UBAC2: variants seen among roughly 807,000 people sequenced by gnomAD.
UBAC2 encodes UBA domain containing 2.
A neutral mutation model predicts 44.0 loss-of-function variants in UBAC2; 26 were observed. That is an observed-to-expected ratio of 0.59 (90% CI 0.43 to 0.82). The LOEUF is 0.82. Ranked by LOEUF, UBAC2 falls within the 40% of genes least tolerant of loss-of-function variation. The probability of loss-of-function intolerance (pLI) is 0.00; values close to 1 mark genes in which losing one functional copy is unlikely to be tolerated. For synonymous variants in UBAC2, 155 were observed against 154.3 expected (o/e 1.00, Z -0.04); for missense variants, 329 against 419.4 (o/e 0.78, Z 1.88).
At chr13:99,236,971 T>G (rs1421107847) in intron 1 of UBAC2, among the ~76,000 whole-genome samples, 3 of 95,638 alleles carry the variant, frequency 3.1e-5, no homozygotes, top group Non-Finnish European at 9.2e-5. Context: ...AGTATGGAGG[T>G]TCTTAAAAAA....
At chr13:99,237,253 CGT>C (rs1491322628) in intron 1 of UBAC2, among the ~76,000 whole-genome samples, 15 of 71,528 alleles carry the variant, frequency 2.1e-4, no homozygotes, top group East Asian at 1.9e-3. Context: ...AAATTTTATG[CGT>C]ATATATATAT....
intron 5 of UBAC2, among the ~76,000 whole-genome samples, chr13:99,317,596 G>T (rs2044509942): frequency 6.6e-6 from 1 of 152,164 alleles, no homozygotes; most frequent in South Asian, 2.1e-4. Flanking sequence ...ACAATGTTAA[G>T]AAATTAAAAT....
At chr13:99,335,166 T>C (rs565101561) in intron 6 of UBAC2, among the ~76,000 whole-genome samples, 10 of 152,348 alleles carry the variant, frequency 6.6e-5, no homozygotes, top group African/African-American at 2.4e-4. Context: ...CACAGTTGAA[T>C]ACTTTGAGAC....
chr13:99,325,350 G>A (rs189276542), intron 6 of UBAC2, among the ~76,000 whole-genome samples: 152 of 152,128 alleles, frequency 1.0e-3, no homozygotes, highest in African/African-American at 3.5e-3. Context: ...TGATCCACCC[G>A]CCTCGGCCTC....
At chr13:99,310,439 C>G (rs2044396780) in intron 4 of UBAC2, among the ~76,000 whole-genome samples, 1 of 152,218 alleles carries the variant, frequency 6.6e-6, no homozygotes, top group Non-Finnish European at 1.5e-5. Context: ...GGTAGTTCTT[C>G]ACAGTATGAA....
chr13:99,258,785 G>A (rs1415112439), intron 4 of UBAC2, among the ~76,000 whole-genome samples: 4 of 152,128 alleles, frequency 2.6e-5, no homozygotes, highest in South Asian at 2.1e-4. Context: ...AAGATCCCAA[G>A]TGCTTAATAG....
At chr13:99,335,634 A>ATT (rs2044777680) in intron 6 of UBAC2, among the ~76,000 whole-genome samples, 15 of 152,224 alleles carry the variant, frequency 9.9e-5, no homozygotes, top group Admixed American at 9.2e-4. Flanking sequence ...TTCCACTTTA[A>ATT]ACACATCAGT....
chr13:99,364,301 TG>T (rs2045303197), intron 7 of UBAC2, among the ~76,000 whole-genome samples: 1 of 150,926 alleles, frequency 6.6e-6, no homozygotes, highest in Admixed American at 6.6e-5. Context: ...ACTGTTAATG[TG>T]TGGATTATGT....
At chr13:99,316,232 G>A (rs1594119917) in intron 5 of UBAC2, among the ~76,000 whole-genome samples, 1 of 152,060 alleles carries the variant, frequency 6.6e-6, no homozygotes, top group African/African-American at 2.4e-5. Context: ...ATGGCATGCA[G>A]GGTTCTTCTT....
At chr13:99,354,731 C>T (rs926052954) in intron 7 of UBAC2, among the ~76,000 whole-genome samples, 10 of 152,080 alleles carry the variant, frequency 6.6e-5, no homozygotes, top group African/African-American at 1.7e-4. Context: ...ACAGGATGCC[C>T]GAGGGTTTTT....
intron 7 of UBAC2, among the ~76,000 whole-genome samples, chr13:99,364,660 TTA>T (rs1396027303): frequency 6.6e-6 from 1 of 152,144 alleles, no homozygotes; most frequent in Non-Finnish European, 1.5e-5. Flanking sequence ...TTCAATTACA[TTA>T]AAGTATGATA....
intron 4 of UBAC2, among the ~76,000 whole-genome samples, chr13:99,281,374 A>G (rs530890552): frequency 6.6e-6 from 1 of 152,210 alleles, no homozygotes; most frequent in South Asian, 2.1e-4. Context: ...TATTCACAAG[A>G]TATCTCCTTT....
chr13:99,217,308 G>A (rs1043905460), intron 1 of UBAC2, among the ~76,000 whole-genome samples: 1 of 152,108 alleles, frequency 6.6e-6, no homozygotes, highest in Non-Finnish European at 1.5e-5. Context: ...TTTTCTGCTC[G>A]GATCTCTTAC....
chr13:99,294,245 C>G (rs530422259), intron 4 of UBAC2, among the ~76,000 whole-genome samples: 1 of 152,100 alleles, frequency 6.6e-6, no homozygotes. Flanking sequence ...GAGAAATGAT[C>G]CCCTAGTGAT....
At chr13:99,271,518 C>A (rs2043815956) in intron 4 of UBAC2, among the ~76,000 whole-genome samples, 1 of 152,068 alleles carries the variant, frequency 6.6e-6, no homozygotes, top group Non-Finnish European at 1.5e-5. Flanking sequence ...CTAATTTTGG[C>A]CTTTAATCAG....
At chr13:99,204,790 C>A (rs1369471688) in intron 1 of UBAC2, among the ~76,000 whole-genome samples, 1 of 151,336 alleles carries the variant, frequency 6.6e-6, no homozygotes, top group Middle Eastern at 3.4e-3. Flanking sequence ...GTGAGTGGGA[C>A]ATAAATGGAG....
chr13:99,298,514 C>G (rs1222428167), intron 4 of UBAC2, among the ~76,000 whole-genome samples: 1 of 151,886 alleles, frequency 6.6e-6, no homozygotes, highest in African/African-American at 2.4e-5. Context: ...AGATATAAAG[C>G]CTTGAATGCA....
intron 7 of UBAC2, among the ~76,000 whole-genome samples, chr13:99,363,973 T>TA (rs1263368617): frequency 6.6e-6 from 1 of 152,186 alleles, no homozygotes; most frequent in Non-Finnish European, 1.5e-5. Context: ...TTTTTGTACT[T>TA]ACATTCTCTA....
chr13:99,247,289 A>G (rs1372844408), intron 4 of UBAC2, among the ~76,000 whole-genome samples: 1 of 150,670 alleles, frequency 6.6e-6, no homozygotes, highest in Non-Finnish European at 1.5e-5. Context: ...ATCTCGGCTC[A>G]CTGCAAGCTC....
Sources: allele counts gnomAD v4.1 joint callset (sites outside exome capture counted in the v4.1 genomes callset), GRCh38; gene constraint gnomAD v4.1.1; transcripts MANE v1.5; gene names NCBI Gene and HGNC (gene_info 2026-07-23, HGNC 2026-07-21).